Variants in SLCO1B1 observed in about 807,000 individuals in gnomAD.
The protein encoded by SLCO1B1 is OATP-2.
Under a neutral mutation model 70.1 loss-of-function variants are expected in SLCO1B1, and 81 were observed. That is an observed-to-expected ratio of 1.16 (90% CI 0.97 to 1.39). The LOEUF is 1.39. Among genes scored for constraint, SLCO1B1 ranks in the 40% most tolerant of loss-of-function variants. The probability of loss-of-function intolerance (pLI) is 0.00; values close to 1 mark genes in which losing one functional copy is unlikely to be tolerated. For synonymous variants in SLCO1B1, 283 were observed against 271.5 expected (o/e 1.04, Z -0.42); for missense variants, 895 against 799.6 (o/e 1.12, Z -1.44).
Position 21,238,971 on chromosome 12 carries a change from T to C in SLCO1B1, c.1866-8T>C. ...TGATTTATTGTTTTATTTTCTCTATTTCTACAGAAGGGTCTACTTGGGCTT... is the reference window on the plus strand; with the variant it reads ...TGATTTATTGTTTTATTTTCTCTATCTCTACAGAAGGGTCTACTTGGGCTT... On this transcript the variant is annotated splice_polypyrimidine_tract_variant and splice_region_variant and intron_variant, in intron 14 of 14. Transcript: ENST00000256958. 1 of 1,507,430 alleles carries C rather than the reference T, an allele frequency of 6.6e-7. No individual in the cohort carries two copies. Among genetic ancestry groups the C allele is most frequent in the South Asian group, 1.2e-5 (1 of 86,132 alleles). The allele number at this position is 1,507,430 out of a possible 1,614,324, so 93.4% of individuals were successfully genotyped here. A position where few individuals can be genotyped will look rare whatever the true frequency, so the allele number is the denominator to read the frequency against.
chr12:21,185,585 C>T, intron 7 of SLCO1B1, among the ~76,000 whole-genome samples: 1 of 151,864 alleles, frequency 6.6e-6, no homozygotes, highest in South Asian at 2.1e-4. Context: ...TGGGATCTAT[C>T]TAAAGCAGTG....
chr12:21,140,268 TA>T (rs1480297388), intron 1 of SLCO1B1, among the ~76,000 whole-genome samples: 3 of 152,016 alleles, frequency 2.0e-5, no homozygotes, highest in African/African-American at 7.2e-5. Context: ...ACTGCCCTAT[TA>T]AAAATCATGT....
intron 11 of SLCO1B1, among the ~76,000 whole-genome samples, chr12:21,211,506 A>G (rs1399061436): frequency 6.6e-6 from 1 of 152,244 alleles, no homozygotes; most frequent in Non-Finnish European, 1.5e-5. Flanking sequence ...CATCAAGGAT[A>G]TTGGTCTAAG....
intron 2 of SLCO1B1, among the ~76,000 whole-genome samples, chr12:21,142,665 A>G (rs1422363803): frequency 6.6e-6 from 1 of 152,014 alleles, no homozygotes; most frequent in Non-Finnish European, 1.5e-5. Flanking sequence ...TATTTGAGTA[A>G]CATTTAGGCC....
In SLCO1B1 at chr12:21,151,638, T is replaced by G. The variant is rs369640523; in HGVS notation, c.84+9980T>G. 8.8e-4 allele frequency among the ~76,000 whole-genome samples: 134 copies of G among 152,300 alleles called. 3 individuals carry two copies. In the South Asian group the frequency reaches 0.027, roughly 31 times the overall value. ...TTTAAGTAGATCTGAGTTTCTGATT[T>G]ATATTATTTTATCTTTCTGTAAAGA... On this transcript the variant is annotated intron_variant, in intron 2 of 14. Transcript: ENST00000256958.
chr12:21,162,274 A>G (rs1940629112), intron 2 of SLCO1B1, among the ~76,000 whole-genome samples: 1 of 152,110 alleles, frequency 6.6e-6, no homozygotes, highest in African/African-American at 2.4e-5. Context: ...CTTCAATTTA[A>G]TTGACTATAT....
At chr12:21,209,553 C>T (rs368626859) in intron 11 of SLCO1B1, among the ~76,000 whole-genome samples, 43 of 152,206 alleles carry the variant, frequency 2.8e-4, no homozygotes, top group Admixed American at 7.2e-4. Context: ...GCATGATTTA[C>T]AGTCATTTGG....
At chr12:21,218,108 A>G (rs2121181782) in intron 12 of SLCO1B1, among the ~76,000 whole-genome samples, 1 of 152,326 alleles carries the variant, frequency 6.6e-6, no homozygotes, top group East Asian at 1.9e-4. Context: ...AAAGGTCTAA[A>G]GAAAAAGCCA....
intron 2 of SLCO1B1, among the ~76,000 whole-genome samples, chr12:21,171,452 A>G (rs537858724): frequency 2.6e-5 from 4 of 152,214 alleles, no homozygotes; most frequent in African/African-American, 9.6e-5. Context: ...TGATATGACT[A>G]TAAGTTACAT....
At chr12:21,159,211 A>C (rs1338557023) in intron 2 of SLCO1B1, among the ~76,000 whole-genome samples, 2 of 152,156 alleles carry the variant, frequency 1.3e-5, no homozygotes, top group African/African-American at 4.8e-5. Flanking sequence ...AGAGAGCCAA[A>C]ACTGTTTTTG....
intron 14 of SLCO1B1, among the ~76,000 whole-genome samples, chr12:21,238,761 G>A (rs1591754296): frequency 6.6e-6 from 1 of 151,994 alleles, no homozygotes; most frequent in African/African-American, 2.4e-5. Context: ...TATGAAGAAG[G>A]CCAGAGGCAA....
intron 7 of SLCO1B1, among the ~76,000 whole-genome samples, chr12:21,195,179 T>G (rs189473825): frequency 1.3e-5 from 2 of 152,304 alleles, no homozygotes; most frequent in East Asian, 3.9e-4. Flanking sequence ...GGAGAAAACT[T>G]TCTTCATTCA....
At chr12:21,140,699 T>C (rs989212662) in intron 1 of SLCO1B1, among the ~76,000 whole-genome samples, 12 of 151,972 alleles carry the variant, frequency 7.9e-5, no homozygotes, top group African/African-American at 1.4e-4. Flanking sequence ...ATTAAGTATA[T>C]AGAGAAGATA....
At chr12:21,220,718 C>T (rs777231282) in intron 12 of SLCO1B1, among the ~76,000 whole-genome samples, 2 of 151,544 alleles carry the variant, frequency 1.3e-5, no homozygotes, top group Non-Finnish European at 2.9e-5. Flanking sequence ...TCAAGGGCTG[C>T]TGAGAGTTCA....
chr12:21,151,597 C>T (rs1940471609), intron 2 of SLCO1B1, among the ~76,000 whole-genome samples: 1 of 152,080 alleles, frequency 6.6e-6, no homozygotes, highest in Non-Finnish European at 1.5e-5. Flanking sequence ...TATTTCTCCT[C>T]CAATGTTTTC....
intron 11 of SLCO1B1, among the ~76,000 whole-genome samples, chr12:21,215,996 C>T (rs1326639682): frequency 6.6e-6 from 1 of 152,004 alleles, no homozygotes; most frequent in Non-Finnish European, 1.5e-5. Flanking sequence ...ATACATGCTC[C>T]CTCTTTGCAC....
At chr12:21,203,813 G>GA (rs1162097654) in intron 10 of SLCO1B1, among the ~76,000 whole-genome samples, 5 of 151,958 alleles carry the variant, frequency 3.3e-5, no homozygotes, top group Admixed American at 1.3e-4. Flanking sequence ...TGAAGAGTCA[G>GA]AAAAAATGTA....
intron 2 of SLCO1B1, among the ~76,000 whole-genome samples, chr12:21,172,392 A>G (rs1311523054): frequency 1.3e-5 from 2 of 152,216 alleles, no homozygotes; most frequent in African/African-American, 2.4e-5. Flanking sequence ...GATTAATTTA[A>G]AAATAACAAC....
At chr12:21,207,702 C>A (rs1334673880) in intron 11 of SLCO1B1, among the ~76,000 whole-genome samples, 1 of 151,868 alleles carries the variant, frequency 6.6e-6, no homozygotes, top group Non-Finnish European at 1.5e-5. Context: ...TGTTTAAGTT[C>A]TTTGGGAAAT....
Sources: gnomAD v4.1 joint callset for allele counts (sites outside exome capture counted in the v4.1 genomes callset) on GRCh38, gnomAD v4.1.1 for gene constraint, MANE v1.5 for transcripts, NCBI Gene and HGNC (gene_info 2026-07-23, HGNC 2026-07-21) for gene names.